FAM135B: variants seen among roughly 807,000 people sequenced by gnomAD.
The protein encoded by FAM135B is protein FAM135B.
A neutral mutation model predicts 127.7 loss-of-function variants in FAM135B; 43 were observed. That is an observed-to-expected ratio of 0.34 (90% CI 0.26 to 0.43). The LOEUF (loss-of-function observed/expected upper bound fraction) is 0.43. Among genes scored for constraint, FAM135B ranks in the 20% least tolerant of loss-of-function variants. FAM135B has a pLI of 1.00. For synonymous variants in FAM135B, 670 were observed against 665.1 expected, an observed-to-expected ratio of 1.01 and a Z score of -0.11; for missense variants, 1,558 against 1,725.6, an observed-to-expected ratio of 0.90 and a Z score of 1.72.
chr8:138,278,606 CA>C (rs1824023689), intron 3 of FAM135B, among the ~76,000 whole-genome samples: 1 of 133,074 alleles, frequency 7.5e-6, no homozygotes, highest in African/African-American at 2.9e-5. Flanking sequence ...CTCTGTCGCC[CA>C]GGCTGGAGTG....
chr8:138,137,045 T>C, intron 19 of FAM135B, 102 bp downstream of exon 19: 1 of 708,198 alleles, frequency 1.4e-6, no homozygotes, highest in South Asian at 1.6e-5. Flanking sequence ...AATGCAGCAC[T>C]AAACCTATAG....
At chr8:138,417,497 T>C (rs544048234) in intron 1 of FAM135B, among the ~76,000 whole-genome samples, 2 of 152,320 alleles carry the variant, frequency 1.3e-5, no homozygotes, top group East Asian at 3.9e-4. Context: ...GCCACTGGCA[T>C]GAATGTGTAC....
chr8:138,236,029 T>C lies in FAM135B; in HGVS notation c.669+6913A>G, dbSNP rs1266386894. 2.0e-5 allele frequency among the ~76,000 whole-genome samples: 3 copies of C among 152,260 alleles called. No homozygotes were observed. The East Asian group carries it at 5.8e-4, about 29-fold the overall frequency. On this transcript the variant is annotated intron_variant, in intron 7 of 19. Transcript: ENST00000395297. Reference sequence around the variant, plus strand: ...TGAGCCAAGGAACTGGGAGGCTCAATGTGCAGGCTGGAAACAGGTCTGTTG... The same window carrying C: ...TGAGCCAAGGAACTGGGAGGCTCAACGTGCAGGCTGGAAACAGGTCTGTTG...
intron 1 of FAM135B, among the ~76,000 whole-genome samples, chr8:138,477,144 C>T (rs1431384606): frequency 2.6e-5 from 4 of 152,176 alleles, no homozygotes; most frequent in African/African-American, 4.8e-5. Context: ...GAGGAACACC[C>T]GTGATTCCTG....
intron 1 of FAM135B, among the ~76,000 whole-genome samples, chr8:138,431,039 C>G (rs1265048910): frequency 6.6e-6 from 1 of 152,160 alleles, no homozygotes; most frequent in Non-Finnish European, 1.5e-5. Flanking sequence ...TCTAAGGATA[C>G]TTTTAAGAGT....
In FAM135B at chr8:138,241,436, C is replaced by A. The variant is rs2130355700; in HGVS notation, c.669+1506G>T. ...TCAGGTCCCCTCAGCAGGTTCTTGA[C>A]AACTCTTTTCTTTGCTTCTCAGGAC... On this transcript the variant is annotated intron_variant, in intron 7 of 19. Transcript: ENST00000395297. The surrounding 1 kb of genome is among the most constrained non-coding windows in gnomAD (Gnocchi z 4.8). 6.6e-6 allele frequency among the ~76,000 whole-genome samples: 1 copy of A among 152,178 alleles called. No individual in the cohort carries two copies. The highest frequency in any genetic ancestry group is 1.9e-4 in the East Asian group (1 of 5,180).
intron 13 of FAM135B, 77 bp from the exon 14 acceptor site, chr8:138,148,763 A>C: frequency 8.9e-6 from 10 of 1,122,406 alleles, no homozygotes; most frequent in Non-Finnish European, 1.1e-5. Flanking sequence ...GCTGGTATGT[A>C]GAAGGGCTGA....
chr8:138,220,610 A>G (rs1197917797), intron 7 of FAM135B, among the ~76,000 whole-genome samples: 1 of 152,184 alleles, frequency 6.6e-6, no homozygotes, highest in Non-Finnish European at 1.5e-5. Flanking sequence ...AACGCATTGT[A>G]AGTGCTTGGT....
intron 3 of FAM135B, among the ~76,000 whole-genome samples, chr8:138,276,169 T>C (rs1823806782): frequency 6.6e-6 from 1 of 152,216 alleles, no homozygotes; most frequent in South Asian, 2.1e-4. Flanking sequence ...GTCCTGCTAA[T>C]AAGTCATCAG....
chr8:138,405,050 A>G (rs1833384666), intron 1 of FAM135B, among the ~76,000 whole-genome samples: 1 of 152,138 alleles, frequency 6.6e-6, no homozygotes. Context: ...TAGCCTCACT[A>G]AATGTATTTC....
chr8:138,348,127 C>T (rs371641739), intron 2 of FAM135B, among the ~76,000 whole-genome samples: 33 of 52,850 alleles, frequency 6.2e-4, no homozygotes, highest in African/African-American at 1.7e-3. Flanking sequence ...TTTTCCTCCT[C>T]TTTTTTTTTT....
At chr8:138,223,048 T>C (rs1819157001) in intron 7 of FAM135B, among the ~76,000 whole-genome samples, 1 of 152,138 alleles carries the variant, frequency 6.6e-6, no homozygotes, top group Non-Finnish European at 1.5e-5. Flanking sequence ...ACACAGGTGT[T>C]AGAGGGTGTC....
At chr8:138,280,048 T>C (rs993623260) in intron 3 of FAM135B, among the ~76,000 whole-genome samples, 1 of 152,222 alleles carries the variant, frequency 6.6e-6, no homozygotes, top group East Asian at 1.9e-4. Flanking sequence ...ATTTCACAAA[T>C]AGGAACTGGG....
At chr8:138,401,430 T>G (rs1189066050) in intron 1 of FAM135B, among the ~76,000 whole-genome samples, 1 of 152,160 alleles carries the variant, frequency 6.6e-6, no homozygotes, top group African/African-American at 2.4e-5. Flanking sequence ...AAGACCAAGG[T>G]GGTGTAACTG....
intron 12 of FAM135B, among the ~76,000 whole-genome samples, chr8:138,157,769 C>G (rs186202486): frequency 3.9e-5 from 6 of 152,250 alleles, no homozygotes; most frequent in African/African-American, 1.4e-4. Context: ...CAAGGAGAAA[C>G]TACAAACCAC....
At chr8:138,466,862 C>A (rs1031820502) in intron 1 of FAM135B, among the ~76,000 whole-genome samples, 2 of 152,106 alleles carry the variant, frequency 1.3e-5, no homozygotes, top group African/African-American at 4.8e-5. Flanking sequence ...TATAGTGCAG[C>A]AAATTTATAC....
chr8:138,473,706 A>T (rs1460437243), intron 1 of FAM135B, among the ~76,000 whole-genome samples: 1 of 152,164 alleles, frequency 6.6e-6, no homozygotes, highest in Admixed American at 6.5e-5. Context: ...TAATTCGCTA[A>T]ACAATCAGGA....
intron 1 of FAM135B, among the ~76,000 whole-genome samples, chr8:138,423,679 C>T (rs989498483): frequency 3.3e-5 from 5 of 152,108 alleles, no homozygotes; most frequent in South Asian, 2.1e-4. Context: ...AATGAAGTTT[C>T]GGGCACACAT....
intron 2 of FAM135B, among the ~76,000 whole-genome samples, chr8:138,325,245 G>A (rs935238045): frequency 2.0e-5 from 3 of 152,148 alleles, no homozygotes; most frequent in East Asian, 1.9e-4. Flanking sequence ...TGGAGCCTCC[G>A]CAGAAGCCCA....
Sources: gnomAD v4.1 joint callset for allele counts (sites outside exome capture counted in the v4.1 genomes callset) on GRCh38, gnomAD v4.1.1 for gene constraint, Gnocchi (gnomAD v3.1) non-coding constraint, MANE v1.5 for transcripts, NCBI Gene and HGNC (gene_info 2026-07-23, HGNC 2026-07-21) for gene names.